DMD: variants seen among roughly 807,000 people sequenced by gnomAD.
The protein encoded by DMD is dystrophin.
A neutral mutation model predicts 330.1 loss-of-function variants in DMD; 63 were observed. The ratio of observed to expected loss-of-function variants is 0.19; its 90% CI spans 0.16 to 0.24. The LOEUF (loss-of-function observed/expected upper bound fraction) is 0.24, where lower values mean the gene tolerates loss of function less well. DMD is among the 10% of genes least tolerant of loss of function. The pLI is 1.00. For synonymous variants in DMD, 1,223 were observed against 959.8 expected (o/e 1.27, Z -5.07); for missense variants, 3,344 against 2,684.1 (o/e 1.25, Z -5.43).
chrX:32,719,625 G>A (rs1275289100), intron 7 of DMD, among the ~76,000 whole-genome samples: 1 of 111,489 alleles, frequency 9.0e-6, no homozygotes, highest in East Asian at 2.8e-4. Context: ...GAAATATTTT[G>A]GATATTGTAC....
Position 31,420,540 on chromosome X carries a change from T to A in DMD, c.9084+23941A>T, listed in dbSNP as rs1203931749. On this transcript the variant is annotated intron_variant, in intron 60 of 78. Transcript: ENST00000357033. The stretch of plus-strand genomic sequence containing the variant: ...GACATCTGTTTTTTTTAATCACCCT[T>A]ATAGCAAGTTAGTTTTAAAGAAGTG... Among the ~76,000 whole-genome samples the A allele has an allele frequency of 4.5e-5, 5 of 112,355 alleles. No homozygotes were observed. The East Asian group carries it at 1.4e-3, about 31-fold the overall frequency.
intron 32 of DMD, 48 bp from the exon 33 acceptor site, chrX:32,386,513 A>T (rs770819733): frequency 9.6e-7 from 1 of 1,037,241 alleles, no homozygotes; most frequent in Non-Finnish European, 1.3e-6. Flanking sequence ...GAGTTAAATT[A>T]TTTCATAATA....
intron 45 of DMD, among the ~76,000 whole-genome samples, chrX:31,953,119 T>G (rs1435594878): frequency 8.9e-6 from 1 of 112,407 alleles, no homozygotes; most frequent in Non-Finnish European, 1.9e-5. Flanking sequence ...ACATTTTAAG[T>G]TTTCATGAAG....
At chrX:31,659,561 C>G (rs1424552731) in intron 53 of DMD, among the ~76,000 whole-genome samples, 8 of 102,860 alleles carry the variant, frequency 7.8e-5, no homozygotes, top group African/African-American at 1.1e-4. Context: ...TTGCTTGAAC[C>G]CAGGAGATGG....
At chrX:32,194,018 T>C (rs973724534) in intron 44 of DMD, among the ~76,000 whole-genome samples, 3 of 112,132 alleles carry the variant, frequency 2.7e-5, no homozygotes, top group African/African-American at 9.7e-5. Flanking sequence ...CTATTAAAGA[T>C]CAAGGCAGAT....
intron 2 of DMD, among the ~76,000 whole-genome samples, chrX:32,851,145 G>C (rs774424430): frequency 9.0e-6 from 1 of 110,960 alleles, no homozygotes; most frequent in Non-Finnish European, 1.9e-5. Flanking sequence ...GAAAATCCCT[G>C]GTTTCCAGGC....
chrX:31,240,694 G>A (rs192320849), intron 63 of DMD, among the ~76,000 whole-genome samples: 199 of 111,004 alleles, frequency 1.8e-3, no homozygotes, highest in African/African-American at 6.0e-3. Context: ...CCCTATGTTT[G>A]CAATAAATAA....
chrX:31,356,924 CTTTTTT>C (rs58097229), intron 60 of DMD, among the ~76,000 whole-genome samples: 5 of 74,256 alleles, frequency 6.7e-5, no homozygotes, highest in Non-Finnish European at 5.1e-5. Context: ...TTTCTTCTGC[CTTTTTT>C]TTTTTTTTTT....
intron 59 of DMD, among the ~76,000 whole-genome samples, chrX:31,446,253 T>A (rs2065260445): frequency 8.9e-6 from 1 of 112,189 alleles, no homozygotes; most frequent in African/African-American, 3.2e-5. Flanking sequence ...GAACTTAAAG[T>A]TTTAAAAAGT....
intron 30 of DMD, among the ~76,000 whole-genome samples, chrX:32,394,916 C>CAAAACAAAAAAAAAAAAAAAAAAAAAAA (rs2098030291): frequency 2.6e-5 from 1 of 39,034 alleles, no homozygotes; most frequent in Non-Finnish European, 5.0e-5. Flanking sequence ...AACAAAAAAA[C>CAAAACAAAAAAAAAAAAAAAAAAAAAAA]AAAAAAAAAA....
intron 44 of DMD, among the ~76,000 whole-genome samples, chrX:32,007,115 T>C (rs1603620034): frequency 9.8e-6 from 1 of 102,318 alleles, no homozygotes; most frequent in East Asian, 3.3e-4. Flanking sequence ...ATATACCTAA[T>C]GCTAAATGAT....
At chrX:31,739,826 AAG>A (rs953230437) in intron 51 of DMD, among the ~76,000 whole-genome samples, 3 of 91,621 alleles carry the variant, frequency 3.3e-5, no homozygotes, top group African/African-American at 1.2e-4. Flanking sequence ...AAAATAAAAA[AAG>A]AGCATAGTAA....
At chrX:31,875,521 T>C in intron 47 of DMD, 148 bp from the exon 48 acceptor site, 1 of 479,827 alleles carries the variant, frequency 2.1e-6, no homozygotes, top group Admixed American at 4.0e-5. Flanking sequence ...ATTGATTATT[T>C]ACATATATTA....
In DMD at chrX:33,123,105, T is replaced by C. The variant is rs145177872; in HGVS notation, c.31+88177A>G. On this transcript the variant is annotated intron_variant, in intron 1 of 78. Transcript: ENST00000357033. ...ACCATTGTGCTACAGTTGCCTACAGTATTCAGTACAGTCACATGCTGTACA... is the reference window on the plus strand; with the variant it reads ...ACCATTGTGCTACAGTTGCCTACAGCATTCAGTACAGTCACATGCTGTACA... Among the ~76,000 whole-genome samples, 135 of 112,210 alleles carry C rather than the reference T, an allele frequency of 1.2e-3. 1 individual carries two copies. The highest frequency in any genetic ancestry group is 4.3e-3 in the African/African-American group (133 of 30,929).
chrX:32,776,513 G>T (rs2074165839), intron 7 of DMD, among the ~76,000 whole-genome samples: 2 of 111,345 alleles, frequency 1.8e-5, no homozygotes, highest in South Asian at 7.6e-4. Context: ...TACAATCATG[G>T]TGGAAGGTGA....
chrX:31,377,717 G>A (rs375044089), intron 60 of DMD, among the ~76,000 whole-genome samples: 2 of 111,645 alleles, frequency 1.8e-5, no homozygotes, highest in Non-Finnish European at 3.8e-5. Context: ...CTACAAGATC[G>A]TTGTTGTCAG....
chrX:31,929,819 T>C, intron 46 of DMD, 74 bp from the exon 47 acceptor site: 1 of 1,154,199 alleles, frequency 8.7e-7, no homozygotes, highest in Admixed American at 2.2e-5. Context: ...TTGCTTCTAT[T>C]GATTAGTCTA....
At chrX:32,739,490 T>C (rs1253656298) in intron 7 of DMD, among the ~76,000 whole-genome samples, 4 of 111,945 alleles carry the variant, frequency 3.6e-5, no homozygotes, top group Non-Finnish European at 7.5e-5. Flanking sequence ...TGTATACTAC[T>C]ATGGAAAAGG....
At chrX:31,264,335 G>C (rs1016055160) in intron 62 of DMD, among the ~76,000 whole-genome samples, 7 of 111,503 alleles carry the variant, frequency 6.3e-5, no homozygotes, top group African/African-American at 2.3e-4. Context: ...TCTCCACATC[G>C]GAAATACACT....
Sources: gnomAD v4.1 joint callset for allele counts (sites outside exome capture counted in the v4.1 genomes callset) on GRCh38, gnomAD v4.1.1 for gene constraint, MANE v1.5 for transcripts, NCBI Gene and HGNC (gene_info 2026-07-23, HGNC 2026-07-21) for gene names.